ASCC1: variants seen among roughly 807,000 people sequenced by gnomAD.
The protein encoded by ASCC1 is ASC-1 complex subunit P50.
ASCC1 carries 35 observed loss-of-function variants against 46.6 expected under a neutral mutation model. The ratio of observed to expected loss-of-function variants is 0.75; its 90% CI spans 0.57 to 0.99. The LOEUF (loss-of-function observed/expected upper bound fraction) is 0.99. Ranked by LOEUF, ASCC1 falls within the 50% of genes least tolerant of loss-of-function variation. The probability of loss-of-function intolerance (pLI) is 0.00; values close to 1 mark genes in which losing one functional copy is unlikely to be tolerated. For missense variants in ASCC1, 376 were observed against 428.7 expected (o/e 0.88, Z 1.09); for synonymous variants, 143 against 146.6 (o/e 0.98, Z 0.18).
chr10:72,105,375 G>A (rs1589165529), intron 9 of ASCC1, among the ~76,000 whole-genome samples: 1 of 152,184 alleles, frequency 6.6e-6, no homozygotes. Flanking sequence ...ACCCAAAATG[G>A]CCAGCCAGAT....
chr10:72,137,394 G>A (rs1287089221), intron 7 of ASCC1, among the ~76,000 whole-genome samples: 1 of 151,966 alleles, frequency 6.6e-6, no homozygotes. Context: ...TGGGTGTGGT[G>A]GTGCATGCCT....
chr10:72,173,816 T>C (rs889472033), intron 5 of ASCC1, among the ~76,000 whole-genome samples: 2 of 152,174 alleles, frequency 1.3e-5, no homozygotes, highest in African/African-American at 4.8e-5. Flanking sequence ...GAACATCAAA[T>C]TCTTTACTGC....
chr10:72,153,029 G>T, intron 6 of ASCC1, 41 bp from the exon 7 acceptor site: 1 of 1,612,498 alleles, frequency 6.2e-7, no homozygotes. Flanking sequence ...AACTGTTTAA[G>T]CTAAGAGGGC....
intron 5 of ASCC1, among the ~76,000 whole-genome samples, chr10:72,162,548 T>TA (rs1230601788): frequency 1.3e-5 from 2 of 152,036 alleles, no homozygotes; most frequent in East Asian, 3.9e-4. Context: ...CAGCTCACTG[T>TA]AACCTCAAAC....
intron 7 of ASCC1, among the ~76,000 whole-genome samples, chr10:72,135,327 G>A (rs1024139336): frequency 2.0e-5 from 3 of 152,282 alleles, no homozygotes; most frequent in South Asian, 2.1e-4. Context: ...GAGATGAAAC[G>A]GCAGAGAGGG....
intron 9 of ASCC1, among the ~76,000 whole-genome samples, chr10:72,098,951 T>C (rs1841407005): frequency 6.6e-6 from 1 of 152,242 alleles, no homozygotes; most frequent in Non-Finnish European, 1.5e-5. Context: ...TGAACACTAA[T>C]TTGAAGTGAA....
At chr10:72,203,765 C>T (rs551004524) in intron 3 of ASCC1, among the ~76,000 whole-genome samples, 1 of 152,210 alleles carries the variant, frequency 6.6e-6, no homozygotes, top group East Asian at 1.9e-4. Context: ...AAAAACCATG[C>T]CCAACACCCG....
intron 9 of ASCC1, among the ~76,000 whole-genome samples, chr10:72,100,011 C>T (rs950327413): frequency 2.0e-5 from 3 of 152,172 alleles, no homozygotes; most frequent in South Asian, 2.1e-4. Flanking sequence ...CTGCCATCAT[C>T]ACCCTTGTAT....
chr10:72,158,425 G>A (rs947271784), intron 6 of ASCC1, among the ~76,000 whole-genome samples: 1 of 152,156 alleles, frequency 6.6e-6, no homozygotes, highest in African/African-American at 2.4e-5. Context: ...GTCAGACTCC[G>A]TACTCAGAGC....
chr10:72,165,326 G>A (rs1046251818), intron 5 of ASCC1, among the ~76,000 whole-genome samples: 2 of 152,268 alleles, frequency 1.3e-5, no homozygotes, highest in African/African-American at 4.8e-5. Flanking sequence ...ATGTTGGTCA[G>A]GCTGGTCCCA....
intron 9 of ASCC1, among the ~76,000 whole-genome samples, chr10:72,124,707 G>A (rs1263156503): frequency 6.7e-6 from 1 of 150,118 alleles, no homozygotes; most frequent in Non-Finnish European, 1.5e-5. Flanking sequence ...ACTGCCTATG[G>A]CTAAACAAAC....
chr10:72,151,110 G>T (rs1848269639), intron 7 of ASCC1, among the ~76,000 whole-genome samples: 2 of 152,168 alleles, frequency 1.3e-5, no homozygotes, highest in South Asian at 4.1e-4. Context: ...ACACCCAAAG[G>T]ATTATAAATC....
intron 9 of ASCC1, among the ~76,000 whole-genome samples, chr10:72,105,595 T>A (rs1412959105): frequency 1.3e-5 from 2 of 152,148 alleles, no homozygotes; most frequent in Non-Finnish European, 2.9e-5. Context: ...AAAATCAAGG[T>A]TTTCCCTGAC....
At chr10:72,160,734 G>C (rs1386496029) in intron 6 of ASCC1, among the ~76,000 whole-genome samples, 1 of 141,178 alleles carries the variant, frequency 7.1e-6, no homozygotes, top group African/African-American at 2.6e-5. Flanking sequence ...AATAAAAAAA[G>C]TTTTATTTTT....
intron 9 of ASCC1, among the ~76,000 whole-genome samples, chr10:72,122,135 C>G (rs1303473721): frequency 1.3e-5 from 2 of 152,170 alleles, no homozygotes; most frequent in Non-Finnish European, 2.9e-5. Context: ...AAACCACACA[C>G]TTCAGCCAGG....
intron 7 of ASCC1, among the ~76,000 whole-genome samples, chr10:72,139,114 C>CTTT (rs1222967667): frequency 3.8e-5 from 5 of 130,718 alleles, no homozygotes; most frequent in South Asian, 2.4e-4. Context: ...TTTTCTTTTT[C>CTTT]TTTTTTTTTT....
chr10:72,103,589 C>T (rs954344460), intron 9 of ASCC1, among the ~76,000 whole-genome samples: 16 of 152,268 alleles, frequency 1.1e-4, no homozygotes, highest in African/African-American at 3.9e-4. Flanking sequence ...GAAAGTCTCT[C>T]TCACCTTCCA....
In ASCC1 at chr10:72,209,745, T is replaced by C. The variant is rs184420098; in HGVS notation, c.212+987A>G. On this transcript the variant is annotated intron_variant, in intron 3 of 9. Transcript: ENST00000672957. Reference sequence around the variant, plus strand: ...GTTGCAGTGAGCCAAGATCGTCCCATTGCACTCCTGCCTAGGCGAAAGAGC... The same window carrying C: ...GTTGCAGTGAGCCAAGATCGTCCCACTGCACTCCTGCCTAGGCGAAAGAGC... 8.5e-3 allele frequency among the ~76,000 whole-genome samples: 1,289 copies of C among 152,196 alleles called. 6 individuals carry two copies. Among genetic ancestry groups the C allele is most frequent in the Admixed American group, 0.012 (191 of 15,290 alleles).
Position 72,213,315 on chromosome 10 carries a change from G to T in ASCC1, c.-17C>A. ...AACTTCCATGACACTTTCTCCAAATGATATTCCAATTATGCCCTGAAAAAT... is the reference window on the plus strand; with the variant it reads ...AACTTCCATGACACTTTCTCCAAATTATATTCCAATTATGCCCTGAAAAAT... On this transcript the variant is annotated 5_prime_UTR_variant, in exon 2 of 10. Coordinates refer to ENST00000672957, the MANE Select transcript of ASCC1 (RefSeq NM_001198800.3). 1 of 1,553,812 alleles carries T rather than the reference G, an allele frequency of 6.4e-7. No homozygotes were observed. Among genetic ancestry groups the T allele is most frequent in the Non-Finnish European group, 8.9e-7 (1 of 1,125,924 alleles).
Sources: gnomAD v4.1 joint callset for allele counts (sites outside exome capture counted in the v4.1 genomes callset) on GRCh38, gnomAD v4.1.1 for gene constraint, MANE v1.5 for transcripts, NCBI Gene and HGNC (gene_info 2026-07-23, HGNC 2026-07-21) for gene names.